UPF2: variants seen among roughly 807,000 people sequenced by gnomAD.
UPF2 encodes the protein regulator of nonsense transcripts 2.
A neutral mutation model predicts 141.4 loss-of-function variants in UPF2; 17 were observed. That is an observed-to-expected ratio of 0.12 (90% CI 0.08 to 0.18). UPF2 has a LOEUF of 0.18. Ranked by LOEUF, UPF2 falls within the 10% of genes least tolerant of loss-of-function variation. The probability of loss-of-function intolerance (pLI) is 1.00; values close to 1 mark genes in which losing one functional copy is unlikely to be tolerated. For synonymous variants in UPF2, 540 were observed against 498.0 expected (o/e 1.08, Z -1.12); for missense variants, 1,152 against 1,515.9 (o/e 0.76, Z 3.99).
chr10:12,019,685 A>T lies in UPF2; in HGVS notation c.1146-5501T>A, dbSNP rs1324795984. On this transcript the variant is annotated intron_variant, in intron 3 of 21. Coordinates refer to ENST00000357604, the MANE Select transcript of UPF2 (RefSeq NM_015542.4). This position sits in a 1 kb window ranked among gnomAD's most constrained non-coding sequence, Gnocchi z 4.5. ...ACGTGAGACATCACTGTCCAGAAGA[A>T]TCTCTAAAGTACGTCAGTCCTTGAT... Among the ~76,000 whole-genome samples the T allele has an allele frequency of 6.6e-6, 1 of 152,178 alleles. No individual in the cohort carries two copies. The highest frequency in any genetic ancestry group is 1.9e-4 in the East Asian group (1 of 5,206).
chr10:11,956,655 C>G lies in UPF2; in HGVS notation c.2371-132G>C. 1.3e-6 allele frequency: 1 copy of G among 758,690 alleles called. No homozygotes were observed. The highest frequency in any genetic ancestry group is 2.1e-6 in the Non-Finnish European group (1 of 467,260). 47.0% of individuals were successfully genotyped at this position (758,690 alleles called of 1,614,324 possible). A position where few individuals can be genotyped will look rare whatever the true frequency, so the allele number is the denominator to read the frequency against. On this transcript the variant is annotated intron_variant, in intron 12 of 21. Transcript: ENST00000357604. The surrounding 1 kb of genome is among the most constrained non-coding windows in gnomAD (Gnocchi z 4.2). Reference sequence around the variant, plus strand: ...AATACATTAGAAATCCTCTATCGGCCTCTTCAGAAATAGAAAAACTGAGAC... The same window carrying G: ...AATACATTAGAAATCCTCTATCGGCGTCTTCAGAAATAGAAAAACTGAGAC...
At position 12,042,324 on chromosome 10, in the gene UPF2, C is replaced by T. The variant is rs1403884834; in HGVS notation, c.-19+431G>A. Among the ~76,000 whole-genome samples, 1 of 152,138 alleles carries T rather than the reference C, an allele frequency of 6.6e-6. No individual in the cohort carries two copies. Among genetic ancestry groups the T allele is most frequent in the East Asian group, 1.9e-4 (1 of 5,188 alleles). On this transcript the variant is annotated intron_variant, in intron 1 of 21. Transcript: ENST00000357604. The surrounding 1 kb of genome is among the most constrained non-coding windows in gnomAD (Gnocchi z 5.5). ...ACAGAAGCCTTCCCGGCCGGTCTCC[C>T]CACTCCGCAGCCTCCCACACACGCG...
intron 18 of UPF2, among the ~76,000 whole-genome samples, chr10:11,937,369 A>C (rs566509614): frequency 1.1e-4 from 16 of 152,344 alleles, no homozygotes; most frequent in African/African-American, 3.8e-4. Context: ...ACAGATACAG[A>C]AACAATGATG....
chr10:12,011,951 T>A (rs973301094), intron 4 of UPF2, among the ~76,000 whole-genome samples: 1 of 150,636 alleles, frequency 6.6e-6, no homozygotes, highest in Non-Finnish European at 1.5e-5. Flanking sequence ...GTCTCAAAAA[T>A]AATAATAATA....
At chr10:11,978,284 C>A (rs752068132) in intron 9 of UPF2, among the ~76,000 whole-genome samples, 12 of 152,192 alleles carry the variant, frequency 7.9e-5, no homozygotes, top group African/African-American at 2.4e-4. Context: ...TATGATAAAG[C>A]GAAGTTTTGT....
intron 4 of UPF2, 107 bp downstream of exon 4, chr10:12,013,917 C>T (rs978285888): frequency 1.8e-5 from 21 of 1,181,122 alleles, no homozygotes; most frequent in African/African-American, 3.1e-5. Context: ...AAAATGTTGA[C>T]GCCATTTTAA....
chr10:11,966,797 G>A (rs193132952), intron 10 of UPF2, among the ~76,000 whole-genome samples: 4 of 152,332 alleles, frequency 2.6e-5, no homozygotes. Context: ...TTGGAAGACT[G>A]TGAACTCACC....
In UPF2 at chr10:11,940,782, T is replaced by A. The variant is rs1564338562; in HGVS notation, c.3378+1883A>T. Among the ~76,000 whole-genome samples, 1 of 152,228 alleles carries A rather than the reference T, an allele frequency of 6.6e-6. No individual in the cohort carries two copies. The highest frequency in any genetic ancestry group is 2.4e-5 in the African/African-American group (1 of 41,468). On this transcript the variant is annotated intron_variant, in intron 18 of 21. Transcript: ENST00000357604. The surrounding 1 kb of genome is among the most constrained non-coding windows in gnomAD (Gnocchi z 4.2). ...AAAGCCTTCTGTCCAGGCTCCCTGC[T>A]TTTAGCCTTGCCCTGGTGGGTACCT...
rs534192831 is a variant in UPF2 at position 11,974,209 on chromosome 10, ATT to A, written c.1953+4846_1953+4847del. ...TTATTGGTGTATAGGAATGCTTGTG[ATT>A]TCTGCACGTTGATTTTGTATCCTGA... On this transcript the variant is annotated intron_variant, in intron 9 of 21. Transcript: ENST00000357604. 4.5e-3 allele frequency among the ~76,000 whole-genome samples: 680 copies of A among 152,214 alleles called. 2 individuals carry two copies. The highest frequency in any genetic ancestry group is 6.8e-3 in the Middle Eastern group (2 of 294).
intron 3 of UPF2, among the ~76,000 whole-genome samples, chr10:12,015,166 TA>T (rs2131287108): frequency 1.3e-5 from 2 of 152,360 alleles, no homozygotes; most frequent in East Asian, 3.9e-4. Flanking sequence ...AAGTCAATTA[TA>T]AATTATAAAA....
At chr10:11,957,800 A>G (rs1833177429) in intron 12 of UPF2, among the ~76,000 whole-genome samples, 1 of 152,180 alleles carries the variant, frequency 6.6e-6, no homozygotes, top group African/African-American at 2.4e-5. Context: ...CATAGGCATG[A>G]GCCACTATGC....
At position 11,921,130 on chromosome 10, in the gene UPF2, C is replaced by T; in HGVS notation, c.*168G>A. 2.2e-6 allele frequency: 2 copies of T among 906,492 alleles called. No homozygotes were observed. Among genetic ancestry groups the T allele is most frequent in the South Asian group, 2.6e-5 (2 of 76,344 alleles). 56.2% of individuals were successfully genotyped at this position (906,492 alleles called of 1,614,324 possible). A position where few individuals can be genotyped will look rare whatever the true frequency, so the allele number is the denominator to read the frequency against. On this transcript the variant is annotated 3_prime_UTR_variant, in exon 22 of 22. Coordinates refer to ENST00000357604, the MANE Select transcript of UPF2 (RefSeq NM_015542.4). This position sits in a 1 kb window ranked among gnomAD's most constrained non-coding sequence, Gnocchi z 5.9. Reference sequence around the variant, plus strand: ...AAGCGTCGGCTTGTTCCGGTGTTGGCAGAGGCTGGTGTTTCTGCCTCCTGG... The same window carrying T: ...AAGCGTCGGCTTGTTCCGGTGTTGGTAGAGGCTGGTGTTTCTGCCTCCTGG...
At chr10:12,032,973 A>G (rs1043919693) in intron 2 of UPF2, among the ~76,000 whole-genome samples, 2 of 152,174 alleles carry the variant, frequency 1.3e-5, no homozygotes, top group Admixed American at 6.6e-5. Context: ...ACTGCACTCC[A>G]GCCTGGGTAA....
At chr10:11,984,816 G>A (rs1307294846) in intron 8 of UPF2, among the ~76,000 whole-genome samples, 2 of 152,026 alleles carry the variant, frequency 1.3e-5, no homozygotes, top group African/African-American at 4.8e-5. Context: ...AGGTTCGAGT[G>A]ATTCTCCTGC....
rs1223121935 is a variant in UPF2, at chr10:11,935,707, G to T, written c.3546+838C>A. On this transcript the variant is annotated intron_variant, in intron 19 of 21. Coordinates refer to ENST00000357604, the MANE Select transcript of UPF2 (RefSeq NM_015542.4). This position sits in a 1 kb window ranked among gnomAD's most constrained non-coding sequence, Gnocchi z 4.9. ...TTGTCTCTCTGCTCTCTCAGTAGGAGATAAGTTCCACAAGGGCAGGAACAT... is the reference window on the plus strand; with the variant it reads ...TTGTCTCTCTGCTCTCTCAGTAGGATATAAGTTCCACAAGGGCAGGAACAT... Among the ~76,000 whole-genome samples the T allele has an allele frequency of 6.6e-6, 1 of 152,202 alleles. No homozygotes were observed. Among genetic ancestry groups the T allele is most frequent in the Non-Finnish European group, 1.5e-5 (1 of 68,042 alleles).
intron 8 of UPF2, among the ~76,000 whole-genome samples, chr10:11,985,596 G>C (rs895144102): frequency 7.3e-5 from 11 of 150,276 alleles, no homozygotes; most frequent in Non-Finnish European, 1.5e-4. Context: ...ACTCCAGCCT[G>C]GGCGACACAG....
At chr10:12,025,293 G>A (rs1475666310) in intron 3 of UPF2, among the ~76,000 whole-genome samples, 1 of 152,150 alleles carries the variant, frequency 6.6e-6, no homozygotes, top group Non-Finnish European at 1.5e-5. Context: ...GCTGACGCCT[G>A]TAATCCCAGC....
rs545032604 is a variant in UPF2 at position 11,938,955 on chromosome 10, C to T, written c.3379-2243G>A. 1.0e-3 allele frequency among the ~76,000 whole-genome samples: 141 copies of T among 140,196 alleles called. 1 individual carries two copies. The highest frequency in any genetic ancestry group is 2.5e-3 in the Admixed American group (32 of 13,054). 92.0% of individuals were successfully genotyped at this position (140,196 alleles called of 152,430 possible). On this transcript the variant is annotated intron_variant, in intron 18 of 21. Coordinates refer to ENST00000357604, the MANE Select transcript of UPF2 (RefSeq NM_015542.4). ...TGGCACAGTCTCAGCTCACTGAAAC[C>T]TCTGCCTCCTGGGTTCAAGCGATTA...
At chr10:12,017,154 T>C (rs1202500763) in intron 3 of UPF2, among the ~76,000 whole-genome samples, 2 of 152,006 alleles carry the variant, frequency 1.3e-5, no homozygotes, top group Non-Finnish European at 2.9e-5. Context: ...CTGAAGCAAA[T>C]TATATTAAAG....
Sources: gnomAD v4.1 joint callset for allele counts (sites outside exome capture counted in the v4.1 genomes callset) on GRCh38, gnomAD v4.1.1 for gene constraint, Gnocchi (gnomAD v3.1) non-coding constraint, MANE v1.5 for transcripts, NCBI Gene and HGNC (gene_info 2026-07-23, HGNC 2026-07-21) for gene names.